The following OASL variants were observed in gnomAD, a reference collection of about 807,000 sequenced individuals.
The protein encoded by OASL is 2'-5'-oligoadenylate synthetase like.
Under a neutral mutation model 35.3 loss-of-function variants are expected in OASL, and 28 were observed. The ratio of observed to expected loss-of-function variants is 0.79; its 90% CI spans 0.59 to 1.09. OASL has a LOEUF of 1.09. OASL is among the 50% of genes least tolerant of loss of function. OASL has a pLI of 0.00. For synonymous variants in OASL, 252 were observed against 254.6 expected (o/e 0.99, Z 0.10); for missense variants, 620 against 635.2 (o/e 0.98, Z 0.26).
chr12:121,036,120 C>G (rs1336316058), intron 1 of OASL, among the ~76,000 whole-genome samples: 3 of 152,220 alleles, frequency 2.0e-5, no homozygotes, highest in Non-Finnish European at 4.4e-5. Context: ...ACCTTGGCCT[C>G]CCAAAGTGCT....
exon 6 of OASL, chr12:121,020,387 G>T: frequency 1.5e-6 from 1 of 649,658 alleles, no homozygotes; most frequent in Non-Finnish European, 2.6e-6. Flanking sequence ...CTCCCACCTC[G>T]GCCTCCCAAA....
At chr12:121,024,091 C>A (rs1261733962) in exon 5 of OASL, 2 of 1,614,050 alleles carry the variant, frequency 1.2e-6, no homozygotes, top group African/African-American at 2.7e-5. Context: ...CATCTGTACC[C>A]TTCTGCCACG....
In OASL at chr12:121,023,953, C is replaced by T. The variant is rs761619803; in HGVS notation, c.1047+37G>A. The T allele has an allele frequency of 5.6e-6, 9 of 1,611,318 alleles. No individual in the cohort carries two copies. The Admixed American group carries it at 1.5e-4, about 27-fold the overall frequency. On this transcript the variant is annotated intron_variant, in intron 5 of 5. Transcript: ENST00000257570. ...CTGAGTAGTTTATCTGTCGTTCTGA[C>T]CTTCAAGCCCTTGACAGCCCAGAGA...
At chr12:121,028,833 G>T (rs940654287) in intron 3 of OASL, among the ~76,000 whole-genome samples, 9 of 152,154 alleles carry the variant, frequency 5.9e-5, no homozygotes, top group Non-Finnish European at 1.5e-5. Context: ...GGGAGGCCGA[G>T]GCGGGTGGAT....
chr12:121,025,453 T>C lies in OASL; in HGVS notation c.900-1316A>G, dbSNP rs939437882. On this transcript the variant is annotated intron_variant, in intron 4 of 5. Coordinates refer to ENST00000257570, the Ensembl canonical transcript of OASL. ...GGCTTGCTTATTAACTTGGGGTGAC[T>C]GCAAGTCCATGATTAACACCAGCTC... 1.3e-5 allele frequency among the ~76,000 whole-genome samples: 2 copies of C among 152,160 alleles called. 1 individual carries two copies. The highest frequency in any genetic ancestry group is 4.8e-5 in the African/African-American group (2 of 41,458).
At chr12:121,024,119 C>T (rs377107503) in exon 5 of OASL, 43 of 1,613,910 alleles carry the variant, frequency 2.7e-5, no homozygotes, top group Admixed American at 5.0e-5. Context: ...TGGGGTCGGC[C>T]GGATCCAGGA....
chr12:121,019,854 G>A (rs909302844), exon 6 of OASL: 1 of 152,206 alleles, frequency 6.6e-6, no homozygotes, highest in African/African-American at 2.4e-5. Context: ...CCAGAAGTGG[G>A]GCTAACCATG....
intron 1 of OASL, 129 bp downstream of exon 1, chr12:121,038,645 A>G: frequency 1.3e-6 from 1 of 793,196 alleles, no homozygotes; most frequent in South Asian, 1.6e-5. Flanking sequence ...GCTAGGTGGG[A>G]TGGGGTATTC....
chr12:121,022,592 G>A (rs1869291899), intron 5 of OASL, among the ~76,000 whole-genome samples: 1 of 152,148 alleles, frequency 6.6e-6, no homozygotes, highest in South Asian at 2.1e-4. Context: ...CTCCTCATTT[G>A]GCCAGCGGGT....
At chr12:121,020,937 G>C (rs139315256) in exon 6 of OASL, 2 of 1,614,080 alleles carry the variant, frequency 1.2e-6, no homozygotes, top group African/African-American at 2.7e-5. Context: ...CTGCAGGCCA[G>C]AGTAGCCCCT....
At chr12:121,024,396 C>T (rs1406209795) in intron 4 of OASL, among the ~76,000 whole-genome samples, 1 of 152,124 alleles carries the variant, frequency 6.6e-6, no homozygotes, top group Non-Finnish European at 1.5e-5. Context: ...GCGGGAGGAT[C>T]ACTTGAGGTC....
At chr12:121,038,002 C>G (rs1273989331) in intron 1 of OASL, among the ~76,000 whole-genome samples, 1 of 150,978 alleles carries the variant, frequency 6.6e-6, no homozygotes, top group Non-Finnish European at 1.5e-5. Flanking sequence ...CTGAGGATCA[C>G]CTGAGCTCAG....
rs757965757 is a variant in OASL, at chr12:121,038,857, T to C, written c.115A>G (p.Thr39Ala). 20 of 1,613,956 alleles carry C rather than the reference T, an allele frequency of 1.2e-5. No homozygotes were observed. The highest frequency in any genetic ancestry group is 6.7e-5 in the Admixed American group (4 of 59,994). Residue 39 changes from threonine (T) to alanine (A), a missense_variant, in exon 1 of 6, where the codon ACC becomes GCC. By Grantham distance (58) the Thr-to-Ala change is moderately conservative. Coordinates refer to ENST00000257570, the Ensembl canonical transcript of OASL. ...TCCTGCCTCAGAAACTCCTCCACGG[T>C]CCGCACAGCGTCTAGCACCTCTTCC...
intron 3 of OASL, 117 bp downstream of exon 3, chr12:121,031,325 C>T: frequency 3.1e-6 from 3 of 969,066 alleles, no homozygotes; most frequent in South Asian, 1.5e-5. Flanking sequence ...CATTCTCTCC[C>T]TCTCTACCTG....
In OASL at chr12:121,027,529, C is replaced by T. The variant is rs184061895; in HGVS notation, c.899+47G>A. ...TCTATGCCACGTTACACTAGCCCGT[C>T]TCTCTTTTTTTCTGTAAGATTTGGT... On this transcript the variant is annotated intron_variant, in intron 4 of 5. Coordinates refer to ENST00000257570, the Ensembl canonical transcript of OASL. 457 of 1,608,734 alleles carry T rather than the reference C, an allele frequency of 2.8e-4. 2 individuals are homozygous for T. The African/African-American group carries it at 5.0e-3, about 18-fold the overall frequency.
intron 1 of OASL, among the ~76,000 whole-genome samples, chr12:121,038,543 A>G (rs1016801559): frequency 1.3e-5 from 2 of 152,224 alleles, no homozygotes; most frequent in African/African-American, 4.8e-5. Flanking sequence ...GAGATAGTGT[A>G]TGTTAAGAGG....
intron 1 of OASL, among the ~76,000 whole-genome samples, chr12:121,034,491 G>A (rs537740895): frequency 3.3e-5 from 5 of 152,280 alleles, no homozygotes; most frequent in African/African-American, 1.2e-4. Context: ...TACCCACAGA[G>A]TAAGGCCTAC....
intron 2 of OASL, among the ~76,000 whole-genome samples, 178 bp from the exon 3 acceptor site, chr12:121,031,795 T>A (rs1444108460): frequency 1.3e-5 from 2 of 152,190 alleles, no homozygotes; most frequent in Non-Finnish European, 2.9e-5. Flanking sequence ...GTGAAATTCT[T>A]ACTCTGGAGA....
At chr12:121,018,710 TA>T (rs200738146), downstream of OASL, among the ~76,000 whole-genome samples, 6,192 of 146,292 alleles carry the variant, frequency 0.042, 164 homozygotes, top group South Asian at 0.084. Context: ...CTACTAAAAA[TA>T]AAAAAAAAAT....
Sources: allele counts gnomAD v4.1 joint callset (sites outside exome capture counted in the v4.1 genomes callset), GRCh38; gene constraint gnomAD v4.1.1; transcripts MANE v1.5; gene names NCBI Gene and HGNC (gene_info 2026-07-23, HGNC 2026-07-21).